RBFOX1: variants seen among roughly 807,000 people sequenced by gnomAD.
RBFOX1 encodes RNA binding fox-1 homolog 1.
RBFOX1 carries 8 observed loss-of-function variants against 57.7 expected under a neutral mutation model. That is an observed-to-expected ratio of 0.14 (90% CI 0.08 to 0.25). RBFOX1 has a LOEUF of 0.25. Ranked by LOEUF, RBFOX1 falls within the 10% of genes least tolerant of loss-of-function variation. The probability of loss-of-function intolerance (pLI) is 1.00; values close to 1 mark genes in which losing one functional copy is unlikely to be tolerated. For synonymous variants in RBFOX1, 326 were observed against 222.4 expected (o/e 1.47, Z -4.15); for missense variants, 611 against 548.5 (o/e 1.11, Z -1.14).
intron 3 of RBFOX1, among the ~76,000 whole-genome samples, chr16:6,966,281 C>T (rs1027170760): frequency 1.3e-5 from 2 of 152,228 alleles, no homozygotes; most frequent in African/African-American, 2.4e-5. Flanking sequence ...GTTGACTGGG[C>T]ACTCCTGCAG....
At chr16:7,628,636 G>T (rs2060449587) in intron 10 of RBFOX1, among the ~76,000 whole-genome samples, 2 of 152,022 alleles carry the variant, frequency 1.3e-5, no homozygotes, top group Admixed American at 6.6e-5. Context: ...TTTTGAGATG[G>T]AGTTTTGCTC....
At chr16:5,800,201 G>T (rs1045636881) in intron 3 of RBFOX1, among the ~76,000 whole-genome samples, 2 of 152,146 alleles carry the variant, frequency 1.3e-5, no homozygotes, top group Non-Finnish European at 2.9e-5. Flanking sequence ...GGAAGGGGAA[G>T]TATACACCCA....
chr16:5,889,444 A>G lies in RBFOX1; in HGVS notation c.351+22109A>G, dbSNP rs764222803. 4.9e-4 allele frequency among the ~76,000 whole-genome samples: 74 copies of G among 151,876 alleles called. 1 individual carries two copies. The highest frequency in any genetic ancestry group is 1.3e-4 in the Non-Finnish European group (9 of 67,976). Reference sequence around the variant, plus strand: ...AGTATTCCATGTGTCTGTGTGCCACATTTTCTTTATCCGTTCTATCATTGA... The same window carrying G: ...AGTATTCCATGTGTCTGTGTGCCACGTTTTCTTTATCCGTTCTATCATTGA... On this transcript the variant is annotated intron_variant, in intron 4 of 19. Coordinates refer to the RBFOX1 transcript ENST00000641259.
intron 3 of RBFOX1, among the ~76,000 whole-genome samples, chr16:6,892,784 C>T (rs1262238269): frequency 1.2e-4 from 6 of 51,710 alleles, no homozygotes; most frequent in Non-Finnish European, 2.4e-4. Context: ...CCCTCTCTCT[C>T]TCTCTCTCTC....
At chr16:6,525,695 TG>T (rs1434332954) in intron 2 of RBFOX1, among the ~76,000 whole-genome samples, 2 of 151,930 alleles carry the variant, frequency 1.3e-5, no homozygotes, top group African/African-American at 4.8e-5. Context: ...TGTTCACTGG[TG>T]GGAGGAACAC....
intron 3 of RBFOX1, among the ~76,000 whole-genome samples, chr16:6,859,185 GTATATATATATGTATATATATA>G (rs1404572188): frequency 9.1e-5 from 4 of 44,030 alleles, no homozygotes; most frequent in Non-Finnish European, 1.4e-4. Flanking sequence ...GTATATATAT[GTATATATATATGTATATATATA>G]TATACAAAAA....
chr16:7,067,553 A>G (rs1361822704), intron 4 of RBFOX1, among the ~76,000 whole-genome samples: 4 of 149,488 alleles, frequency 2.7e-5, no homozygotes, highest in Non-Finnish European at 4.4e-5. Context: ...ATTTTATTAT[A>G]TTTTAAGTTT....
At chr16:5,372,009 A>T (rs1477996912) in intron 1 of RBFOX1, among the ~76,000 whole-genome samples, 2 of 151,786 alleles carry the variant, frequency 1.3e-5, no homozygotes, top group Non-Finnish European at 2.9e-5. Context: ...ATAAGGGGGG[A>T]ATCCTCTTTT....
At chr16:5,897,014 C>T (rs1424186536) in intron 4 of RBFOX1, among the ~76,000 whole-genome samples, 7 of 100,872 alleles carry the variant, frequency 6.9e-5, no homozygotes, top group East Asian at 3.2e-4. Context: ...TGTATCCATC[C>T]GCTTTTTTTT....
intron 3 of RBFOX1, among the ~76,000 whole-genome samples, chr16:5,720,849 T>G (rs1403998046): frequency 6.6e-6 from 1 of 152,210 alleles, no homozygotes; most frequent in Non-Finnish European, 1.5e-5. Context: ...TAGAAATATT[T>G]TAAATTGGGA....
At chr16:7,012,875 A>T (rs1347864251) in intron 3 of RBFOX1, among the ~76,000 whole-genome samples, 2 of 152,120 alleles carry the variant, frequency 1.3e-5, no homozygotes. Context: ...TTATTTTCCC[A>T]TAGCTGGGGA....
chr16:7,167,040 C>T (rs1601655976), intron 4 of RBFOX1, among the ~76,000 whole-genome samples: 1 of 119,674 alleles, frequency 8.4e-6, no homozygotes, highest in African/African-American at 3.3e-5. Context: ...GGTTGGAGTG[C>T]AGTGGTGTGA....
chr16:6,557,146 TACAC>T (rs940582262), intron 2 of RBFOX1, among the ~76,000 whole-genome samples: 20 of 144,852 alleles, frequency 1.4e-4, no homozygotes, highest in African/African-American at 4.4e-4. Flanking sequence ...TATACATATA[TACAC>T]ACATATATAT....
chr16:7,303,441 C>T (rs940357888), intron 4 of RBFOX1, among the ~76,000 whole-genome samples: 1 of 152,260 alleles, frequency 6.6e-6, no homozygotes, highest in Non-Finnish European at 1.5e-5. Flanking sequence ...CTGTGGGTCC[C>T]AGCTGGGCCA....
chr16:5,565,663 A>C (rs957852495), intron 2 of RBFOX1, among the ~76,000 whole-genome samples: 1 of 151,290 alleles, frequency 6.6e-6, no homozygotes, highest in African/African-American at 2.4e-5. Context: ...TAAATAAATA[A>C]ATAAATAATT....
intron 4 of RBFOX1, among the ~76,000 whole-genome samples, chr16:7,420,460 A>G (rs1464665824): frequency 9.2e-5 from 14 of 152,228 alleles, no homozygotes; most frequent in Admixed American, 9.2e-4. Flanking sequence ...TCCGGCTGGA[A>G]TAATGATGAT....
At chr16:5,964,395 G>A (rs1324490769) in intron 4 of RBFOX1, among the ~76,000 whole-genome samples, 1 of 152,084 alleles carries the variant, frequency 6.6e-6, no homozygotes, top group Non-Finnish European at 1.5e-5. Flanking sequence ...CCACTTCTGG[G>A]TATAAATCCA....
intron 3 of RBFOX1, among the ~76,000 whole-genome samples, chr16:6,848,993 C>T (rs1166354471): frequency 1.3e-5 from 2 of 152,188 alleles, no homozygotes; most frequent in African/African-American, 2.4e-5. Context: ...TGTCCTGATT[C>T]CAAAGCACGT....
chr16:7,642,358 C>T (rs2062974964), intron 11 of RBFOX1, among the ~76,000 whole-genome samples: 1 of 152,080 alleles, frequency 6.6e-6, no homozygotes, highest in African/African-American at 2.4e-5. Context: ...AATCAGATGG[C>T]CTCAGCACTG....
Sources: gnomAD v4.1 joint callset for allele counts (sites outside exome capture counted in the v4.1 genomes callset) on GRCh38, gnomAD v4.1.1 for gene constraint, MANE v1.5 for transcripts, NCBI Gene and HGNC (gene_info 2026-07-23, HGNC 2026-07-21) for gene names.